PCDHA11: variants seen among roughly 807,000 people sequenced by gnomAD.
PCDHA11 encodes the protein protocadherin alpha 11, also known as protocadherin alpha-11.
A neutral mutation model predicts 70.3 loss-of-function variants in PCDHA11; 61 were observed. The observed-to-expected ratio is 0.87, with a 90% CI of 0.71 to 1.07. PCDHA11 has a LOEUF of 1.07. Ranked by LOEUF, PCDHA11 falls within the 50% of genes least tolerant of loss-of-function variation. The probability of loss-of-function intolerance (pLI) is 0.00; values close to 1 mark genes in which losing one functional copy is unlikely to be tolerated. For synonymous variants in PCDHA11, 633 were observed against 555.1 expected (o/e 1.14, Z -1.97); for missense variants, 1,324 against 1,237.5 (o/e 1.07, Z -1.05).
At chr5:140,925,257 C>A (rs1336613869) in intron 1 of PCDHA11, among the ~76,000 whole-genome samples, 2 of 152,110 alleles carry the variant, frequency 1.3e-5, no homozygotes, top group East Asian at 3.8e-4. Context: ...AACTTTAATT[C>A]TTGATCTGTG....
intron 1 of PCDHA11, 84 bp downstream of exon 1, chr5:140,871,578 G>A (rs1554165764): frequency 6.8e-7 from 1 of 1,474,340 alleles, no homozygotes; most frequent in Admixed American, 2.6e-5. Context: ...TTTTTTAAGG[G>A]AAAGTTTTAT....
At chr5:140,948,679 A>C (rs1318286539) in intron 1 of PCDHA11, among the ~76,000 whole-genome samples, 1 of 151,394 alleles carries the variant, frequency 6.6e-6, no homozygotes, top group Admixed American at 6.6e-5. Context: ...CATCTTTTTC[A>C]TTTTTGATAT....
intron 1 of PCDHA11, chr5:140,927,862 G>A (rs1397918624): frequency 2.5e-6 from 4 of 1,614,082 alleles, no homozygotes; most frequent in African/African-American, 2.7e-5. Context: ...AGCTAGCACC[G>A]CTAAACTGCT....
chr5:141,010,052 A>G lies in PCDHA11; in HGVS notation c.*115A>G. The stretch of plus-strand genomic sequence containing the variant: ...CTACATGAGCCCTCTTAGAGACCTC[A>G]GAAATCTGCAGAAAGTTCCCTGTGT... On this transcript the variant is annotated 3_prime_UTR_variant, in exon 4 of 4. Coordinates refer to ENST00000398640, the MANE Select transcript of PCDHA11 (RefSeq NM_018902.5). The G allele has an allele frequency of 1.3e-6, 2 of 1,598,970 alleles. No homozygotes were observed. Among genetic ancestry groups the G allele is most frequent in the Non-Finnish European group, 1.7e-6 (2 of 1,172,814 alleles).
rs1554163226 is a variant in PCDHA11 at position 140,869,553 on chromosome 5, G to A, written c.450G>A (p.Ser150=). 6.2e-7 allele frequency: 1 copy of A among 1,614,056 alleles called. No homozygotes were observed. Among genetic ancestry groups the A allele is most frequent in the African/African-American group, 1.3e-5 (1 of 74,926 alleles). ...TTGCGGAATCTAAGCAATCGGACTCGCGTTTTCCACTAGAGGGAGCTTCTG... is the reference window on the plus strand; with the variant it reads ...TTGCGGAATCTAAGCAATCGGACTCACGTTTTCCACTAGAGGGAGCTTCTG... ...LLIAESKQSD[S]RFPLEGASDA... The change falls in exon 1 of 4, where the codon TCG becomes TCA. Residue 150 remains serine, a synonymous_variant. Coordinates refer to ENST00000398640, the MANE Select transcript of PCDHA11 (RefSeq NM_018902.5).
intron 1 of PCDHA11, among the ~76,000 whole-genome samples, chr5:140,917,329 G>GGC (rs1563018868): frequency 6.9e-6 from 1 of 143,930 alleles, no homozygotes; most frequent in Non-Finnish European, 1.5e-5. Context: ...TGTGGCGGGG[G>GGC]AGGGGGGGGA....
chr5:140,968,635 T>C, intron 1 of PCDHA11: 1 of 1,614,190 alleles, frequency 6.2e-7, no homozygotes, highest in East Asian at 2.2e-5. Context: ...TTTTTTACCA[T>C]CTAGCCCAGA....
chr5:140,877,171 G>A (rs2056910663), intron 1 of PCDHA11: 1 of 1,613,742 alleles, frequency 6.2e-7, no homozygotes, highest in Non-Finnish European at 8.5e-7. Context: ...GGCACTGCTG[G>A]CGACTCCGGC....
chr5:140,979,076 C>T, intron 2 of PCDHA11, 69 bp downstream of exon 2: 1 of 1,584,068 alleles, frequency 6.3e-7, no homozygotes, highest in Non-Finnish European at 8.6e-7. Flanking sequence ...AACTGCATCT[C>T]CATAGGCCAG....
chr5:140,984,042 T>C (rs2097082521), intron 3 of PCDHA11, among the ~76,000 whole-genome samples: 1 of 152,148 alleles, frequency 6.6e-6, no homozygotes, highest in Non-Finnish European at 1.5e-5. Flanking sequence ...ATAAAATAGT[T>C]CATTGACAAA....
At chr5:140,908,021 C>T (rs958070573) in intron 1 of PCDHA11, among the ~76,000 whole-genome samples, 28 of 152,314 alleles carry the variant, frequency 1.8e-4, no homozygotes, top group African/African-American at 6.7e-4. Flanking sequence ...TGGCTACAGC[C>T]CATTAATCAG....
chr5:141,002,234 C>G (rs2098067276), intron 3 of PCDHA11, among the ~76,000 whole-genome samples: 1 of 152,210 alleles, frequency 6.6e-6, no homozygotes, highest in Non-Finnish European at 1.5e-5. Context: ...TTTCTGGAAG[C>G]TCTTTATTAA....
intron 1 of PCDHA11, among the ~76,000 whole-genome samples, chr5:140,942,794 A>C (rs782783696): frequency 2.6e-4 from 39 of 152,326 alleles, no homozygotes; most frequent in Middle Eastern, 3.4e-3. Flanking sequence ...TTACAAAGGC[A>C]TGTTTTCCAC....
chr5:140,952,857 G>T (rs2094808262), intron 1 of PCDHA11, among the ~76,000 whole-genome samples: 1 of 152,120 alleles, frequency 6.6e-6, no homozygotes, highest in Non-Finnish European at 1.5e-5. Context: ...TTCTGGGGAG[G>T]CCTCAGGAAA....
intron 1 of PCDHA11, among the ~76,000 whole-genome samples, chr5:140,943,465 GA>G (rs1412044069): frequency 6.6e-6 from 1 of 152,022 alleles, no homozygotes. Flanking sequence ...CTAAATGTGG[GA>G]GATACAGTAA....
rs1053262394 is a variant in PCDHA11, at chr5:140,871,408, A to C, written c.2305A>C (p.Met769Leu). The change falls in exon 1 of 4, where the codon ATG becomes CTG. Residue 769 changes from methionine to leucine, a missense_variant. By Grantham distance (15) the Met-to-Leu change is conservative (BLOSUM62 2). Transcript: ENST00000398640. Reference protein sequence around the residue: ...SEEGPPKTDLMAFSPSLPLGL... With the variant: ...SEEGPPKTDLLAFSPSLPLGL... ...GGAGGGCCCACCTAAGACGGACCTC[A>C]TGGCCTTCAGCCCCAGTCTTCCTCT... 2 of 1,613,986 alleles carry C rather than the reference A, an allele frequency of 1.2e-6. No individual in the cohort carries two copies. The highest frequency in any genetic ancestry group is 2.7e-5 in the African/African-American group (2 of 74,950).
At chr5:140,985,104 AT>A (rs2097137151) in intron 3 of PCDHA11, among the ~76,000 whole-genome samples, 1 of 151,914 alleles carries the variant, frequency 6.6e-6, no homozygotes, top group African/African-American at 2.4e-5. Context: ...AGCCTGGCTA[AT>A]TTTTTGTGTT....
intron 1 of PCDHA11, chr5:140,882,370 C>T: frequency 6.2e-7 from 1 of 1,614,220 alleles, no homozygotes; most frequent in Non-Finnish European, 8.5e-7. Context: ...TCCACTACTC[C>T]GTCCCCGAGG....
chr5:140,869,551 TCG>T lies in PCDHA11; in HGVS notation c.451_452del (p.Arg151PhefsTer8). The T allele has an allele frequency of 6.2e-7, 1 of 1,614,218 alleles. No homozygotes were observed. Among genetic ancestry groups the T allele is most frequent in the Non-Finnish European group, 8.5e-7 (1 of 1,180,050 alleles). The stretch of plus-strand genomic sequence containing the variant: ...GATTGCGGAATCTAAGCAATCGGAC[TCG>T]CGTTTTCCACTAGAGGGAGCTTCTG... ...LLIAESKQSD[S>X]RFPLEGASDA... is the part of the protein sequence containing the mutation. On this transcript the variant is annotated frameshift_variant, in exon 1 of 4. Transcript: ENST00000398640. LOFTEE classifies it high-confidence loss of function.
Sources: allele counts gnomAD v4.1 joint callset (sites outside exome capture counted in the v4.1 genomes callset), GRCh38; gene constraint gnomAD v4.1.1; transcripts MANE v1.5; gene names NCBI Gene and HGNC (gene_info 2026-07-23, HGNC 2026-07-21).